Variants in CD2AP observed in about 807,000 individuals in gnomAD.
The protein encoded by CD2AP is CD2 associated protein, also known as CD2-associated protein.
A neutral mutation model predicts 85.1 loss-of-function variants in CD2AP; 46 were observed. The observed-to-expected ratio is 0.54, with a 90% CI of 0.43 to 0.69. The LOEUF (loss-of-function observed/expected upper bound fraction) is 0.69, where lower values mean the gene tolerates loss of function less well. CD2AP is among the 30% of genes least tolerant of loss of function. The pLI is 0.00. For synonymous variants in CD2AP, 255 were observed against 252.9 expected, an observed-to-expected ratio of 1.01 and a Z score of -0.08; for missense variants, 769 against 729.5, an observed-to-expected ratio of 1.05 and a Z score of -0.62.
intron 12 of CD2AP, among the ~76,000 whole-genome samples, chr6:47,598,924 TAAAA>T (rs1342599766): frequency 2.0e-5 from 3 of 150,208 alleles, no homozygotes; most frequent in African/African-American, 7.3e-5. Context: ...TCTAAAATAA[TAAAA>T]AAAATTTAAA....
chr6:47,522,028 A>G (rs975579352), intron 2 of CD2AP, among the ~76,000 whole-genome samples: 1 of 150,624 alleles, frequency 6.6e-6, no homozygotes, highest in African/African-American at 2.4e-5. Context: ...AAAAAAAAAG[A>G]AAGAAAGATA....
chr6:47,551,453 A>G (rs1767521031), intron 4 of CD2AP, among the ~76,000 whole-genome samples: 1 of 152,188 alleles, frequency 6.6e-6, no homozygotes, highest in African/African-American at 2.4e-5. Flanking sequence ...AATAGTTAAC[A>G]TTTCTTGAGC....
chr6:47,505,638 T>A (rs1582487871), intron 2 of CD2AP, among the ~76,000 whole-genome samples: 7 of 99,826 alleles, frequency 7.0e-5, no homozygotes, highest in East Asian at 3.0e-4. Flanking sequence ...CCCCCCCACC[T>A]CCCTCCCGGA....
Position 47,503,270 on chromosome 6 carries a change from C to G in CD2AP, c.5-10C>G, listed in dbSNP as rs530231846. 1 of 1,612,618 alleles carries G rather than the reference C, an allele frequency of 6.2e-7. No individual in the cohort carries two copies. The highest frequency in any genetic ancestry group is 8.5e-7 in the Non-Finnish European group (1 of 1,179,056). ...GATTTTAGACATTTCGTTTTTTCCC[C>G]CTTTTTTAGTTGACTATATTGTGGA... On this transcript the variant is annotated splice_polypyrimidine_tract_variant and intron_variant, in intron 1 of 17. Transcript: ENST00000359314.
chr6:47,557,435 C>T (rs182763213), intron 5 of CD2AP, among the ~76,000 whole-genome samples: 442 of 152,272 alleles, frequency 2.9e-3, no homozygotes, highest in African/African-American at 9.5e-3. Flanking sequence ...ACTAGGTTTT[C>T]TTCTAGGGTT....
At chr6:47,561,534 A>C (rs1767862105) in intron 5 of CD2AP, among the ~76,000 whole-genome samples, 1 of 151,738 alleles carries the variant, frequency 6.6e-6, no homozygotes, top group Non-Finnish European at 1.5e-5. Context: ...AGGTGTGGTC[A>C]TTGCTACTGG....
rs1267128959 is a variant in CD2AP, at chr6:47,533,616, G to GACGGAATTCAAGGAT, written c.181_195dup (p.Thr61_Asp65dup). 6.2e-7 allele frequency: 1 copy of GACGGAATTCAAGGAT among 1,613,746 alleles called. No homozygotes were observed. Among genetic ancestry groups the GACGGAATTCAAGGAT allele is most frequent in the East Asian group, 2.2e-5 (1 of 44,862 alleles). On this transcript the variant is annotated inframe_insertion, in exon 3 of 18. Coordinates refer to ENST00000359314, the MANE Select transcript of CD2AP (RefSeq NM_012120.3). ...CCCTTTTGTAGGAAATTAAAAGAGA[G>GACGGAATTCAAGGAT]ACGGAATTCAAGGATGACAGTTTGC... is the stretch of plus-strand genomic sequence containing the variant.
chr6:47,552,659 C>A (rs558708217), intron 4 of CD2AP, among the ~76,000 whole-genome samples: 1 of 152,308 alleles, frequency 6.6e-6, no homozygotes, highest in South Asian at 2.1e-4. Context: ...CCTCCTAAAC[C>A]TAACTCCTCA....
At chr6:47,491,431 A>T (rs1056004160) in intron 1 of CD2AP, among the ~76,000 whole-genome samples, 2 of 151,698 alleles carry the variant, frequency 1.3e-5, no homozygotes, top group Non-Finnish European at 2.9e-5. Context: ...TTTTTGTGTA[A>T]TTTTTAATAT....
intron 13 of CD2AP, among the ~76,000 whole-genome samples, chr6:47,604,214 A>G (rs747174683): frequency 1.3e-5 from 2 of 151,948 alleles, no homozygotes; most frequent in Non-Finnish European, 2.9e-5. Context: ...TGCCACGTGT[A>G]CAGTGTAAAT....
At chr6:47,524,275 A>G (rs1402817901) in intron 2 of CD2AP, among the ~76,000 whole-genome samples, 1 of 152,138 alleles carries the variant, frequency 6.6e-6, no homozygotes, top group Non-Finnish European at 1.5e-5. Context: ...GGCTTCTGGG[A>G]TATCTCCTGC....
In CD2AP at chr6:47,533,691, A is replaced by T; in HGVS notation, c.255A>T (p.Ile85=). Residue 85 remains isoleucine, a synonymous_variant, in exon 3 of 18, where the codon ATA becomes ATT. Coordinates refer to ENST00000359314, the MANE Select transcript of CD2AP (RefSeq NM_012120.3). ...ATGTAGCAAGTCTTGTACAACGAAT[A>T]AGCACCTATGGACTTCCAGCTGGAG... ...HGNVASLVQR[I]STYGLPAGGI... 1 of 1,614,152 alleles carries T rather than the reference A, an allele frequency of 6.2e-7. No individual in the cohort carries two copies. The highest frequency in any genetic ancestry group is 8.5e-7 in the Non-Finnish European group (1 of 1,180,002).
chr6:47,585,547 A>G (rs2114113828), intron 11 of CD2AP, among the ~76,000 whole-genome samples: 1 of 152,314 alleles, frequency 6.6e-6, no homozygotes, highest in African/African-American at 2.4e-5. Context: ...AGCAGAAAGG[A>G]GGAAGCCAAA....
Position 47,533,834 on chromosome 6 carries a change from T to C in CD2AP, c.319+79T>C, listed in dbSNP as rs114889123. The C allele has an allele frequency of 0.024, 35,529 of 1,454,040 alleles. 542 individuals are homozygous for C. Among genetic ancestry groups the C allele is most frequent in the Non-Finnish European group, 0.03 (31,191 of 1,056,994 alleles). The allele number at this position is 1,454,040 out of a possible 1,614,324, so 90.1% of individuals were successfully genotyped here. A position where few individuals can be genotyped will look rare whatever the true frequency, so the allele number is the denominator to read the frequency against. On this transcript the variant is annotated intron_variant, in intron 3 of 17. Coordinates refer to ENST00000359314, the MANE Select transcript of CD2AP (RefSeq NM_012120.3). ...ATAACTGTGTCTAAATTAAGAAAAA[T>C]TAGTTCAGTCTTTTGTAGACAACTA... is the stretch of plus-strand genomic sequence containing the variant.
rs886061539 is a variant in CD2AP, at chr6:47,625,093, C to T, written c.*866C>T. 4.6e-5 allele frequency: 7 copies of T among 151,846 alleles called. No homozygotes were observed. The highest frequency in any genetic ancestry group is 8.9e-5 in the Non-Finnish European group (6 of 67,790). 9.4% of individuals were successfully genotyped at this position (151,846 alleles called of 1,614,324 possible). A position where few individuals can be genotyped will look rare whatever the true frequency, so the allele number is the denominator to read the frequency against. On this transcript the variant is annotated 3_prime_UTR_variant, in exon 18 of 18. Transcript: ENST00000359314. ...ACAGCACATATAAAATATGTAAACA[C>T]CAGCCTGTTGCTGTACTTTTCTGCT...
At chr6:47,621,998 C>G (rs535699954) in intron 17 of CD2AP, among the ~76,000 whole-genome samples, 1 of 152,336 alleles carries the variant, frequency 6.6e-6, no homozygotes, top group East Asian at 1.9e-4. Flanking sequence ...AGCTCACGCT[C>G]TTCTTGGGCG....
rs16875988 is a variant in CD2AP, at chr6:47,497,870, T to G, written c.5-5410T>G. 7.5e-3 allele frequency among the ~76,000 whole-genome samples: 1,147 copies of G among 152,348 alleles called. 41 individuals carry two copies. Among genetic ancestry groups the G allele is most frequent in the Admixed American group, 0.047 (721 of 15,302 alleles). On this transcript the variant is annotated intron_variant, in intron 1 of 17. Coordinates refer to ENST00000359314, the MANE Select transcript of CD2AP (RefSeq NM_012120.3). ...GTTTGTGCCCCATGCTGCTTTTCTCTCAGATACCTCCTAGAACTTTTTGTC... is the reference window on the plus strand; with the variant it reads ...GTTTGTGCCCCATGCTGCTTTTCTCGCAGATACCTCCTAGAACTTTTTGTC...
chr6:47,540,269 C>T (rs2114037571), intron 3 of CD2AP, among the ~76,000 whole-genome samples: 1 of 150,526 alleles, frequency 6.6e-6, no homozygotes, highest in South Asian at 2.1e-4. Flanking sequence ...ATTGACACCT[C>T]TCTTCTTTTT....
chr6:47,563,011 G>A, intron 5 of CD2AP: 1 of 375,014 alleles, frequency 2.7e-6, no homozygotes, highest in East Asian at 3.9e-5. Context: ...TCCTTCAAAT[G>A]CAAGAAATGA....
Sources: allele counts gnomAD v4.1 joint callset (sites outside exome capture counted in the v4.1 genomes callset), GRCh38; gene constraint gnomAD v4.1.1; transcripts MANE v1.5; gene names NCBI Gene and HGNC (gene_info 2026-07-23, HGNC 2026-07-21).